The following FER variants were observed in gnomAD, a reference collection of about 807,000 sequenced individuals.
The protein encoded by FER is tyrosine-protein kinase Fer.
FER carries 63 observed loss-of-function variants against 111.0 expected under a neutral mutation model. The ratio of observed to expected loss-of-function variants is 0.57; its 90% CI spans 0.46 to 0.70. FER has a LOEUF of 0.70. Among genes scored for constraint, FER ranks in the 30% least tolerant of loss-of-function variants. The probability of loss-of-function intolerance (pLI) is 0.00; values close to 1 mark genes in which losing one functional copy is unlikely to be tolerated. For missense variants in FER, 914 were observed against 954.0 expected, an observed-to-expected ratio of 0.96 and a Z score of 0.55; for synonymous variants, 327 against 313.9, an observed-to-expected ratio of 1.04 and a Z score of -0.44.
chr5:108,864,006 C>T (rs1763788083), intron 5 of FER, among the ~76,000 whole-genome samples: 1 of 152,100 alleles, frequency 6.6e-6, no homozygotes, highest in African/African-American at 2.4e-5. Context: ...TCAGCAGTGA[C>T]AGGGGTTAGA....
chr5:109,035,126 C>T (rs866054743), intron 13 of FER, among the ~76,000 whole-genome samples: 25 of 150,882 alleles, frequency 1.7e-4, no homozygotes, highest in South Asian at 4.2e-4. Context: ...CTCTGCTTCC[C>T]GGGTTCAAGC....
intron 9 of FER, among the ~76,000 whole-genome samples, chr5:108,890,972 A>G (rs556865659): frequency 6.6e-6 from 1 of 152,114 alleles, no homozygotes; most frequent in Non-Finnish European, 1.5e-5. Flanking sequence ...GTACTATTAC[A>G]CATTTCCATC....
At chr5:109,079,499 AT>A (rs1336149166) in intron 16 of FER, among the ~76,000 whole-genome samples, 17 of 152,088 alleles carry the variant, frequency 1.1e-4, no homozygotes, top group African/African-American at 3.9e-4. Context: ...ATTAGACCAT[AT>A]TTACTGAGTG....
rs537566756 is a variant in FER at position 109,172,621 on chromosome 5, A to G, written c.2049-8126A>G. ...GCACATTGTGCACATGTACCCTAAAACTTAAAGTATAATAATAAAATAAAA... is the reference window on the plus strand; with the variant it reads ...GCACATTGTGCACATGTACCCTAAAGCTTAAAGTATAATAATAAAATAAAA... On this transcript the variant is annotated intron_variant, in intron 17 of 19. Coordinates refer to ENST00000281092, the MANE Select transcript of FER (RefSeq NM_005246.4). Among the ~76,000 whole-genome samples, 4 of 151,942 alleles carry G rather than the reference A, an allele frequency of 2.6e-5. No homozygotes were observed. In the South Asian group the frequency reaches 8.3e-4, roughly 32 times the overall value.
intron 8 of FER, among the ~76,000 whole-genome samples, chr5:108,876,361 A>G (rs535218274): frequency 6.6e-6 from 1 of 152,360 alleles, no homozygotes; most frequent in East Asian, 1.9e-4. Context: ...ACAGTGGCAG[A>G]GCCAAGCAGT....
intron 5 of FER, among the ~76,000 whole-genome samples, chr5:108,864,585 G>T (rs1763847310): frequency 6.6e-6 from 1 of 152,166 alleles, no homozygotes; most frequent in Non-Finnish European, 1.5e-5. Context: ...TGGCTAGCCA[G>T]TTTTCCCAGC....
chr5:109,186,220 G>A lies in FER; in HGVS notation c.2224G>A (p.Asp742Asn). Residue 742 changes from aspartate (D) to asparagine (N), a missense_variant, in exon 19 of 20, where the codon GAC becomes AAC. Asp to Asn is a conservative substitution (Grantham distance 23, BLOSUM62 1). Coordinates refer to ENST00000281092, the MANE Select transcript of FER (RefSeq NM_005246.4). ...LNYGRYSSES[D>N]VWSFGILLWE... ...TCCAGGGAGATACAGTTCAGAGAGT[G>A]ACGTGTGGAGCTTTGGCATCCTTCT... is the stretch of plus-strand genomic sequence containing the variant. 6.2e-7 allele frequency: 1 copy of A among 1,614,124 alleles called. No individual in the cohort carries two copies. Among genetic ancestry groups the A allele is most frequent in the Non-Finnish European group, 8.5e-7 (1 of 1,179,984 alleles).
At chr5:108,988,386 G>A (rs891170249) in intron 13 of FER, among the ~76,000 whole-genome samples, 1 of 152,084 alleles carries the variant, frequency 6.6e-6, no homozygotes, top group African/African-American at 2.4e-5. Context: ...TTGAATGTCT[G>A]ATAGAATTCA....
chr5:108,955,707 A>G (rs375192683), intron 12 of FER, among the ~76,000 whole-genome samples: 3 of 151,822 alleles, frequency 2.0e-5, no homozygotes, highest in Admixed American at 6.6e-5. Context: ...CAAGATTGCT[A>G]TCCACAGGAT....
chr5:108,920,859 C>A (rs777584584), intron 10 of FER, among the ~76,000 whole-genome samples: 15 of 152,128 alleles, frequency 9.9e-5, no homozygotes, highest in African/African-American at 3.4e-4. Flanking sequence ...AAATTCTAAT[C>A]CTCACCATGA....
chr5:108,947,920 A>G (rs1032568285), intron 11 of FER, among the ~76,000 whole-genome samples: 2 of 151,730 alleles, frequency 1.3e-5, no homozygotes, highest in South Asian at 2.1e-4. Context: ...TGAGGTTTCA[A>G]TCTATTACCC....
At chr5:108,941,995 A>G (rs1756339552) in intron 10 of FER, among the ~76,000 whole-genome samples, 1 of 152,114 alleles carries the variant, frequency 6.6e-6, no homozygotes, top group Non-Finnish European at 1.5e-5. Context: ...AGATGTTGAT[A>G]ATGGTGGAGG....
rs188665885 is a variant in FER, at chr5:109,179,829, A to G, written c.2049-918A>G. On this transcript the variant is annotated intron_variant, in intron 17 of 19. Coordinates refer to ENST00000281092, the MANE Select transcript of FER (RefSeq NM_005246.4). ...GAGCATCTTTGGATTTTGGTATCTG[A>G]GGGGGGGTCCTGGAACCAATCATGG... Among the ~76,000 whole-genome samples the G allele has an allele frequency of 2.3e-3, 349 of 152,154 alleles. 1 individual carries two copies. The highest frequency in any genetic ancestry group is 7.9e-3 in the African/African-American group (327 of 41,518).
At chr5:109,001,552 C>A (rs1323043420) in intron 13 of FER, among the ~76,000 whole-genome samples, 1 of 152,146 alleles carries the variant, frequency 6.6e-6, no homozygotes, top group Non-Finnish European at 1.5e-5. Flanking sequence ...AAACTGGAAG[C>A]ATTCCCTTTG....
chr5:108,872,279 A>G (rs1309378588), intron 8 of FER, 67 bp downstream of exon 8: 6 of 1,386,664 alleles, frequency 4.3e-6, no homozygotes, highest in Non-Finnish European at 4.9e-6. Flanking sequence ...TTGTACTCAG[A>G]TTTAAAATAT....
intron 9 of FER, chr5:108,894,721 T>C: frequency 9.6e-6 from 2 of 208,060 alleles, no homozygotes; most frequent in Non-Finnish European, 2.0e-5. Context: ...TGGGGAGGCC[T>C]CACAATCATG....
intron 5 of FER, among the ~76,000 whole-genome samples, chr5:108,848,518 A>G (rs1417809367): frequency 6.6e-6 from 1 of 152,128 alleles, no homozygotes; most frequent in Non-Finnish European, 1.5e-5. Flanking sequence ...TTACTATAAT[A>G]TACCTTTAAC....
At chr5:109,011,833 C>T (rs567414682) in intron 13 of FER, among the ~76,000 whole-genome samples, 3 of 152,262 alleles carry the variant, frequency 2.0e-5, no homozygotes, top group Admixed American at 2.0e-4. Context: ...CGAGCTGATA[C>T]AATTTTCTTT....
chr5:108,867,036 G>A (rs992333152), intron 5 of FER, among the ~76,000 whole-genome samples: 1 of 152,064 alleles, frequency 6.6e-6, no homozygotes, highest in Admixed American at 6.6e-5. Context: ...TACCTAAGGA[G>A]ACCTATTTCT....
Sources: gnomAD v4.1 joint callset for allele counts (sites outside exome capture counted in the v4.1 genomes callset) on GRCh38, gnomAD v4.1.1 for gene constraint, MANE v1.5 for transcripts, NCBI Gene and HGNC (gene_info 2026-07-23, HGNC 2026-07-21) for gene names.